Variants in CALN1 observed in about 807,000 individuals in gnomAD.
CALN1 encodes the protein calneuron 1.
In CALN1, 17 loss-of-function variants were observed where a neutral mutation model predicts 30.6. The ratio of observed to expected loss-of-function variants is 0.56; its 90% CI spans 0.38 to 0.83. The LOEUF is 0.83. Among genes scored for constraint, CALN1 ranks in the 40% least tolerant of loss-of-function variants. The pLI is 0.00. For missense variants in CALN1, 291 were observed against 354.9 expected (o/e 0.82, Z 1.45); for synonymous variants, 156 against 131.4 (o/e 1.19, Z -1.28).
rs779173270 is a variant in CALN1 at position 72,278,805 on chromosome 7, T to C, written c.125A>G (p.Lys42Arg). 1.2e-6 allele frequency: 2 copies of C among 1,612,560 alleles called. No homozygotes were observed. Among genetic ancestry groups the C allele is most frequent in the Non-Finnish European group, 1.7e-6 (2 of 1,178,942 alleles). The stretch of plus-strand genomic sequence containing the variant: ...GGCGGTCACATGGTGGAACGGCATC[T>C]TTTCCCTGCCCAAGAGAGAACAGGG... ...SQAPDFPTWE[K>R]MPFHHVTAGL... is the part of the protein sequence containing the mutation. The change falls in exon 3 of 7, where the codon AAG becomes AGG. Residue 42 changes from lysine (K) to arginine (R), a missense_variant. Lys to Arg is a conservative substitution (Grantham distance 26, BLOSUM62 2). Coordinates refer to ENST00000395275, the MANE Select transcript of CALN1 (RefSeq NM_031468.4).
At chr7:72,377,713 A>G (rs957785743) in intron 2 of CALN1, among the ~76,000 whole-genome samples, 1 of 152,060 alleles carries the variant, frequency 6.6e-6, no homozygotes, top group African/African-American at 2.4e-5. Flanking sequence ...GTGGACTGAA[A>G]TTTCCTTAAA....
intron 2 of CALN1, among the ~76,000 whole-genome samples, chr7:72,359,661 T>C (rs906027426): frequency 8.6e-5 from 13 of 151,768 alleles, no homozygotes; most frequent in Non-Finnish European, 1.6e-4. Context: ...CTCAATCAAG[T>C]GGAGGAACCT....
At chr7:72,419,225 CATG>C (rs1459087986) in intron 1 of CALN1, among the ~76,000 whole-genome samples, 1 of 152,124 alleles carries the variant, frequency 6.6e-6, no homozygotes, top group Non-Finnish European at 1.5e-5. Flanking sequence ...CCGTGTTGCA[CATG>C]ATAATTGTGC....
intron 5 of CALN1, among the ~76,000 whole-genome samples, chr7:72,021,450 C>A (rs998915277): frequency 5.3e-5 from 8 of 152,112 alleles, no homozygotes; most frequent in African/African-American, 1.9e-4. Flanking sequence ...CTTCTGAACT[C>A]TGGGGTCATT....
intron 4 of CALN1, among the ~76,000 whole-genome samples, chr7:72,084,713 G>A (rs1805370869): frequency 6.6e-6 from 1 of 152,102 alleles, no homozygotes; most frequent in Non-Finnish European, 1.5e-5. Context: ...AAAGAAAAAA[G>A]TGATAAACTG....
chr7:71,971,369 G>C (rs1388793550), intron 5 of CALN1, among the ~76,000 whole-genome samples: 1 of 152,172 alleles, frequency 6.6e-6, no homozygotes, highest in African/African-American at 2.4e-5. Flanking sequence ...AGAATCGCTT[G>C]AACCTGGGAG....
chr7:72,257,427 G>T (rs1795985838), intron 3 of CALN1, among the ~76,000 whole-genome samples: 1 of 151,008 alleles, frequency 6.6e-6, no homozygotes, highest in Non-Finnish European at 1.5e-5. Context: ...CCTTACTCTT[G>T]TAAGAATGGC....
intron 1 of CALN1, among the ~76,000 whole-genome samples, chr7:72,404,824 GGTT>G (rs1255694477): frequency 1.3e-5 from 2 of 152,308 alleles, no homozygotes; most frequent in East Asian, 1.9e-4. Context: ...TATTGTTGCA[GGTT>G]GTTGTAAATC....
chr7:72,390,229 G>C (rs905921592), intron 2 of CALN1, among the ~76,000 whole-genome samples: 16 of 152,002 alleles, frequency 1.1e-4, no homozygotes, highest in African/African-American at 3.1e-4. Flanking sequence ...AGGAGTCCCA[G>C]ACCAGCCTGG....
Position 71,803,796 on chromosome 7 carries a change from C to T in CALN1, c.658+6540G>A, listed in dbSNP as rs527739560. 1.4e-4 allele frequency among the ~76,000 whole-genome samples: 22 copies of T among 152,192 alleles called. 1 individual carries two copies. In the South Asian group the frequency reaches 4.6e-3, roughly 32 times the overall value. On this transcript the variant is annotated intron_variant, in intron 6 of 6. Transcript: ENST00000395275. ...CACTGCACCCAGCCAGGCTTGCCCA[C>T]TATCCAGCTTGGAGTTTCATCCCAT...
chr7:71,909,214 T>G (rs1794299990), intron 5 of CALN1, among the ~76,000 whole-genome samples: 1 of 152,182 alleles, frequency 6.6e-6, no homozygotes, highest in Non-Finnish European at 1.5e-5. Flanking sequence ...GGTCTTGCTG[T>G]GTTGCCCAGG....
At chr7:71,875,945 T>C (rs892028810) in intron 5 of CALN1, among the ~76,000 whole-genome samples, 5 of 152,098 alleles carry the variant, frequency 3.3e-5, no homozygotes, top group Non-Finnish European at 7.4e-5. Flanking sequence ...TGAGCACAAG[T>C]TCAAGGCCAG....
chr7:72,181,725 T>C (rs1340499472), intron 3 of CALN1, among the ~76,000 whole-genome samples: 2 of 152,216 alleles, frequency 1.3e-5, no homozygotes, highest in Admixed American at 1.3e-4. Context: ...TCCGTCCATC[T>C]TGGCCTCCCA....
intron 5 of CALN1, among the ~76,000 whole-genome samples, chr7:71,901,386 A>C (rs1793838332): frequency 6.6e-6 from 1 of 151,456 alleles, no homozygotes; most frequent in South Asian, 2.1e-4. Context: ...ATCATTTTTC[A>C]CAGAATTAAT....
At chr7:72,091,557 A>G (rs1161727593) in intron 4 of CALN1, among the ~76,000 whole-genome samples, 2 of 152,256 alleles carry the variant, frequency 1.3e-5, no homozygotes, top group African/African-American at 2.4e-5. Context: ...ATTAAAAACT[A>G]GAAAAATTAA....
intron 3 of CALN1, among the ~76,000 whole-genome samples, chr7:72,257,136 C>A (rs369954239): frequency 1.3e-5 from 2 of 152,244 alleles, no homozygotes; most frequent in South Asian, 4.1e-4. Flanking sequence ...AGAGAGAGAG[C>A]GTGCACAGGG....
chr7:72,453,021 A>T, the CALN1 span, among the ~76,000 whole-genome samples: 2 of 151,848 alleles, frequency 1.3e-5, no homozygotes, highest in Non-Finnish European at 2.9e-5. Flanking sequence ...TCAAGCCTCC[A>T]GCAAGCTTTG....
At chr7:72,445,889 C>A (rs1429314379) in intron 1 of CALN1, among the ~76,000 whole-genome samples, 1 of 152,156 alleles carries the variant, frequency 6.6e-6, no homozygotes, top group Non-Finnish European at 1.5e-5. Flanking sequence ...TCTCTACTCA[C>A]GTGAGCTGTG....
chr7:71,959,361 G>T lies in CALN1; in HGVS notation c.501+64296C>A, dbSNP rs529376888. Among the ~76,000 whole-genome samples, 80 of 152,280 alleles carry T rather than the reference G, an allele frequency of 5.3e-4. 2 individuals carry two copies. In the South Asian group the frequency reaches 0.013, roughly 25 times the overall value. ...TCTTGGAGATCGCAAACACAGGATT[G>T]GAGAATCCAGACTTGGTTGTTTTTA... is the stretch of plus-strand genomic sequence containing the variant. On this transcript the variant is annotated intron_variant, in intron 5 of 6. Transcript: ENST00000395275.
Sources: allele counts gnomAD v4.1 joint callset (sites outside exome capture counted in the v4.1 genomes callset), GRCh38; gene constraint gnomAD v4.1.1; transcripts MANE v1.5; gene names NCBI Gene and HGNC (gene_info 2026-07-23, HGNC 2026-07-21).